Variants in SARM1 observed in about 807,000 individuals in gnomAD.
SARM1 encodes the protein sterile alpha and TIR motif containing 1.
SARM1 carries 60 observed loss-of-function variants against 65.1 expected under a neutral mutation model. That is an observed-to-expected ratio of 0.92 (90% CI 0.75 to 1.14). The LOEUF (loss-of-function observed/expected upper bound fraction) is 1.14. Among genes scored for constraint, SARM1 ranks in the 50% most tolerant of loss-of-function variants. The pLI, the probability that SARM1 is intolerant of heterozygous loss-of-function variation, is 0.00. For missense variants in SARM1, 913 were observed against 1,015.7 expected (o/e 0.90, Z 1.37); for synonymous variants, 417 against 465.4 (o/e 0.90, Z 1.34).
chr17:28,372,241 C>G lies in SARM1; in HGVS notation c.209C>G (p.Pro70Arg), dbSNP rs888141305. 2.9e-6 allele frequency: 4 copies of G among 1,385,508 alleles called. No individual in the cohort carries two copies. The highest frequency in any genetic ancestry group is 3.7e-6 in the Non-Finnish European group (4 of 1,079,904). 85.8% of individuals were successfully genotyped at this position (1,385,508 alleles called of 1,614,324 possible). A position where few individuals can be genotyped will look rare whatever the true frequency, so the allele number is the denominator to read the frequency against. ...EVQDALERAL[P>R]ELQQALSALK... ...CAGGACGCCCTGGAGCGCGCGCTGCCGGAGCTGCAGCAGGCCTTGTCCGCG... is the reference window on the plus strand; with the variant it reads ...CAGGACGCCCTGGAGCGCGCGCTGCGGGAGCTGCAGCAGGCCTTGTCCGCG... The change falls in exon 1 of 9, where the codon CCG becomes CGG. Residue 70 changes from proline (P) to arginine (R), a missense_variant. Physicochemically the swap from Pro to Arg is moderately radical, Grantham distance 103. Around this residue, in one of 3 missense-constraint regions of SARM1, gnomAD observed 862 missense variants for 952.1 expected, o/e 0.91. Coordinates refer to ENST00000585482, the MANE Select transcript of SARM1 (RefSeq NM_015077.4). This position sits in a 1 kb window ranked among gnomAD's most constrained non-coding sequence, Gnocchi z 5.2.
Position 28,398,925 on chromosome 17 carries a change from A to C in SARM1, c.*2639A>C, listed in dbSNP as rs1177052028. On this transcript the variant is annotated 3_prime_UTR_variant, in exon 9 of 9. Transcript: ENST00000585482. The stretch of plus-strand genomic sequence containing the variant: ...CCCACTTGGTACCAATCCACCAGGC[A>C]GCTCAGGGCTCCTGCCCAGCCCAGC... 1.3e-5 allele frequency: 2 copies of C among 152,286 alleles called. No homozygotes were observed. Among genetic ancestry groups the C allele is most frequent in the African/African-American group, 4.8e-5 (2 of 41,460 alleles). 9.4% of individuals were successfully genotyped at this position (152,286 alleles called of 1,614,324 possible).
chr17:28,402,328 A>G lies in SARM1; in HGVS notation c.*6042A>G, dbSNP rs1324533955. 6.2e-7 allele frequency: 1 copy of G among 1,611,856 alleles called. No individual in the cohort carries two copies. The highest frequency in any genetic ancestry group is 1.7e-5 in the Admixed American group (1 of 59,780). On this transcript the variant is annotated 3_prime_UTR_variant, in exon 9 of 9. Transcript: ENST00000585482. ...AGGAAAAGCAACCCATATCCTGTGG[A>G]GAAACAAACACTCATCAGGAAAATG...
chr17:28,386,538 T>C (rs1276920358), intron 5 of SARM1: 1 of 152,148 alleles, frequency 6.6e-6, no homozygotes, highest in Non-Finnish European at 1.5e-5. Context: ...AACAAACAAA[T>C]GTTGTCTATG....
In SARM1 at chr17:28,385,111, A is replaced by C; in HGVS notation, c.1466A>C (p.Asp489Ala). The stretch of plus-strand genomic sequence containing the variant: ...ACGTGCGACCGCAGCAACCTGGCGG[A>C]CTGGCTGGGCAGCCTGGACCCGCGC... The part of the protein sequence containing the change: ...YSTCDRSNLA[D>A]WLGSLDPRFR... Residue 489 changes from aspartate (D) to alanine (A), a missense_variant, in exon 5 of 9, where the codon GAC becomes GCC. Transcript: ENST00000585482. The surrounding 1 kb of genome is among the most constrained non-coding windows in gnomAD (Gnocchi z 4.5). 2.5e-6 allele frequency: 4 copies of C among 1,613,752 alleles called. No homozygotes were observed. The highest frequency in any genetic ancestry group is 3.4e-6 in the Non-Finnish European group (4 of 1,179,886).
intron 1 of SARM1, among the ~76,000 whole-genome samples, chr17:28,376,307 T>C (rs974896298): frequency 6.7e-6 from 1 of 148,738 alleles, no homozygotes; most frequent in African/African-American, 2.5e-5. Flanking sequence ...GCCTGTAATC[T>C]CAGCACTTTG....
Position 28,399,149 on chromosome 17 carries a change from G to A in SARM1, c.*2863G>A. On this transcript the variant is annotated 3_prime_UTR_variant, in exon 9 of 9. Coordinates refer to ENST00000585482, the MANE Select transcript of SARM1 (RefSeq NM_015077.4). Reference sequence around the variant, plus strand: ...GCAAAGGCAACACTCTTCCTCCAGAGATCACCAAGCCCCTCTTACCTCCCT... The same window carrying A: ...GCAAAGGCAACACTCTTCCTCCAGAAATCACCAAGCCCCTCTTACCTCCCT... 1 of 158,258 alleles carries A rather than the reference G, an allele frequency of 6.3e-6. No homozygotes were observed. The highest frequency in any genetic ancestry group is 1.9e-4 in the South Asian group (1 of 5,286). The allele number at this position is 158,258 out of a possible 1,614,324, so 9.8% of individuals were successfully genotyped here. A position where few individuals can be genotyped will look rare whatever the true frequency, so the allele number is the denominator to read the frequency against.
At chr17:28,379,297 A>ATT (rs1555584909) in intron 1 of SARM1, among the ~76,000 whole-genome samples, 2 of 118,486 alleles carry the variant, frequency 1.7e-5, no homozygotes, top group African/African-American at 6.7e-5. Context: ...CTCCATTTAG[A>ATT]TCTTTTTTTT....
intron 7 of SARM1, among the ~76,000 whole-genome samples, chr17:28,393,636 A>G (rs2068092916): frequency 6.6e-6 from 1 of 152,130 alleles, no homozygotes; most frequent in Non-Finnish European, 1.5e-5. Flanking sequence ...CAGGTCGTAG[A>G]GCCTGTGTCA....
At chr17:28,393,579 G>T (rs372450473) in intron 7 of SARM1, among the ~76,000 whole-genome samples, 143 of 151,536 alleles carry the variant, frequency 9.4e-4, no homozygotes, top group African/African-American at 3.3e-3. Context: ...AAAAAAGAAA[G>T]AAAGAAAAGA....
Position 28,372,512 on chromosome 17 carries a change from C to A in SARM1, c.470+10C>A. On this transcript the variant is annotated intron_variant, in intron 1 of 8. Transcript: ENST00000585482. The surrounding 1 kb of genome is among the most constrained non-coding windows in gnomAD (Gnocchi z 5.2). ...TGGTGGCTGAGAACCGGTGAGCGCG[C>A]CAGGCCGGGGTTGGGAGAGCGCCGC... The A allele has an allele frequency of 1.3e-6, 2 of 1,520,834 alleles. No individual in the cohort carries two copies. Among genetic ancestry groups the A allele is most frequent in the East Asian group, 5.1e-5 (2 of 39,132 alleles). The allele number at this position is 1,520,834 out of a possible 1,614,324, so 94.2% of individuals were successfully genotyped here.
In SARM1 at chr17:28,385,206, C is replaced by T; in HGVS notation, c.1561C>T (p.Gln521Ter). The T allele has an allele frequency of 1.9e-6, 3 of 1,604,142 alleles. No homozygotes were observed. Among genetic ancestry groups the T allele is most frequent in the Non-Finnish European group, 1.7e-6 (2 of 1,177,398 alleles). Residue 521 changes from glutamine to a stop codon, truncating the protein, a stop_gained, in exon 5 of 9, where the codon CAG (glutamine) becomes TAG (stop). Coordinates refer to ENST00000585482, the MANE Select transcript of SARM1 (RefSeq NM_015077.4). LOFTEE classifies it high-confidence loss of function. This position sits in a 1 kb window ranked among gnomAD's most constrained non-coding sequence, Gnocchi z 4.5. ...CTCCCTGCTGCACCGCGTGTCTGAG[C>T]AGCAGCTGCTGGAAGACTGCGGCAT... Reference protein sequence around the residue: ...DRSLLHRVSEQQLLEDCGIHL... With the variant: ...DRSLLHRVSE
At chr17:28,392,774 A>G (rs1238291382) in intron 7 of SARM1, among the ~76,000 whole-genome samples, 1 of 152,184 alleles carries the variant, frequency 6.6e-6, no homozygotes, top group African/African-American at 2.4e-5. Context: ...GGAAGGCTCC[A>G]CTTCCCAAGA....
Position 28,388,164 on chromosome 17 carries a change from C to T in SARM1, c.1631-10C>T, listed in dbSNP as rs1555586317. 6.5e-7 allele frequency: 1 copy of T among 1,539,680 alleles called. No homozygotes were observed. Among genetic ancestry groups the T allele is most frequent in the Non-Finnish European group, 8.8e-7 (1 of 1,138,104 alleles). ...GCCACCTTCACCATGCTGCCTATTG[C>T]CCACTTCAGAAATGCTACACTCCCC... On this transcript the variant is annotated splice_polypyrimidine_tract_variant and intron_variant, in intron 5 of 8. Coordinates refer to ENST00000585482, the MANE Select transcript of SARM1 (RefSeq NM_015077.4).
Position 28,384,810 on chromosome 17 carries a change from C to G in SARM1, c.1303-29C>G. ...GAGGTCCAAGGGCGGAGTAGCGAAG[C>G]CCTTCCTGACACCCGACTCCTCCCC... On this transcript the variant is annotated intron_variant, in intron 3 of 8. Coordinates refer to ENST00000585482, the MANE Select transcript of SARM1 (RefSeq NM_015077.4). This position sits in a 1 kb window ranked among gnomAD's most constrained non-coding sequence, Gnocchi z 4.4. 1 of 1,544,134 alleles carries G rather than the reference C, an allele frequency of 6.5e-7. No homozygotes were observed.
At chr17:28,383,096 G>A (rs2068032288) in intron 2 of SARM1, among the ~76,000 whole-genome samples, 1 of 152,202 alleles carries the variant, frequency 6.6e-6, no homozygotes, top group Non-Finnish European at 1.5e-5. Flanking sequence ...ACTGCTGGCT[G>A]GGTGAGGTGG....
chr17:28,381,264 G>A lies in SARM1; in HGVS notation c.532G>A (p.Val178Ile). ...ILNLAKEREP[V>I]ELARSVAGIL... ...GAACCTGGCGAAGGAACGCGAACCC[G>A]TAGAGCTGGCGCGGAGCGTGGCAGG... The change falls in exon 2 of 9, where the codon GTA (valine) becomes ATA (isoleucine). Residue 178 changes from valine to isoleucine, a missense_variant. Coordinates refer to ENST00000585482, the MANE Select transcript of SARM1 (RefSeq NM_015077.4). 1.9e-6 allele frequency: 3 copies of A among 1,610,454 alleles called. No individual in the cohort carries two copies. The highest frequency in any genetic ancestry group is 2.5e-6 in the Non-Finnish European group (3 of 1,178,514).
At chr17:28,375,516 T>A (rs964723694) in intron 1 of SARM1, among the ~76,000 whole-genome samples, 54 of 151,486 alleles carry the variant, frequency 3.6e-4, no homozygotes, top group African/African-American at 1.3e-3. Flanking sequence ...GGGAATTGTT[T>A]GAACCAGGGA....
chr17:28,378,631 T>G lies in SARM1; in HGVS notation c.471-2572T>G, dbSNP rs1415500371. On this transcript the variant is annotated intron_variant, in intron 1 of 8. Transcript: ENST00000585482. ...GGTTTTATTGGTTTTTTTGTTTTTG[T>G]TTTTGTTTTTTGTTTTTTGGGTTTT... Among the ~76,000 whole-genome samples, 3 of 151,304 alleles carry G rather than the reference T, an allele frequency of 2.0e-5. No homozygotes were observed. In the East Asian group the frequency reaches 5.8e-4, roughly 29 times the overall value.
chr17:28,382,797 C>T (rs1267966134), intron 2 of SARM1, among the ~76,000 whole-genome samples: 4 of 151,968 alleles, frequency 2.6e-5, no homozygotes, highest in African/African-American at 9.7e-5. Context: ...GCGATCCTCT[C>T]TGCCTCAGCC....
Sources: allele counts gnomAD v4.1 joint callset (sites outside exome capture counted in the v4.1 genomes callset), GRCh38; gene constraint gnomAD v4.1.1; regional missense constraint gnomAD v4.1.1; non-coding constraint Gnocchi (gnomAD v3.1); transcripts MANE v1.5; gene names NCBI Gene and HGNC (gene_info 2026-07-23, HGNC 2026-07-21).